The following DDX25 variants were observed in gnomAD, a reference collection of about 807,000 sequenced individuals.
DDX25 encodes the protein DEAD-box helicase 25.
In DDX25, 70 loss-of-function variants were observed where a neutral mutation model predicts 64.6. That is an observed-to-expected ratio of 1.08 (90% confidence interval 0.89 to 1.32). DDX25 has a LOEUF of 1.32. DDX25 is among the 40% of genes most tolerant of loss of function. The pLI is 0.00. For synonymous variants in DDX25, 211 were observed against 213.3 expected, an observed-to-expected ratio of 0.99 and a Z score of 0.09; for missense variants, 587 against 604.4, an observed-to-expected ratio of 0.97 and a Z score of 0.30.
intron 11 of DDX25, chr11:125,922,440 G>A (rs1945127289): frequency 5.3e-6 from 1 of 187,940 alleles, no homozygotes; most frequent in South Asian, 1.9e-4. Flanking sequence ...CAGGGAAGTA[G>A]GTTAAGTGCC....
chr11:125,906,823 C>CAAA (rs548482997), intron 4 of DDX25, among the ~76,000 whole-genome samples: 24,942 of 111,336 alleles, frequency 0.22, 3,144 homozygotes, highest in Non-Finnish European at 0.26. Context: ...GACTCCGTCT[C>CAAA]AAAAAAAAAA....
upstream of DDX25, among the ~76,000 whole-genome samples, chr11:125,903,722 A>C (rs1287735096): frequency 6.7e-6 from 1 of 149,600 alleles, no homozygotes; most frequent in African/African-American, 2.5e-5. Context: ...AATGCTGATC[A>C]AAATCTCAAA....
At chr11:125,905,952 T>C in intron 3 of DDX25, 122 bp from the exon 4 acceptor site, 1 of 1,284,468 alleles carries the variant, frequency 7.8e-7, no homozygotes, top group Admixed American at 3.0e-5. Context: ...TGGAACCCTC[T>C]TTTAGAGGAA....
chr11:125,920,915 CACAT>C (rs1289066876), intron 10 of DDX25: 10 of 218,824 alleles, frequency 4.6e-5, no homozygotes, highest in Non-Finnish European at 7.4e-5. Context: ...ACCACACACA[CACAT>C]ACACACACAC....
At chr11:125,911,933 AG>A (rs1944973969) in intron 8 of DDX25, among the ~76,000 whole-genome samples, 2 of 152,204 alleles carry the variant, frequency 1.3e-5, no homozygotes, top group African/African-American at 4.8e-5. Flanking sequence ...TCATTTTCCT[AG>A]GCCTCTCTAT....
At chr11:125,911,622 A>C (rs1036732274) in intron 8 of DDX25, 134 bp downstream of exon 8, 8 of 973,760 alleles carry the variant, frequency 8.2e-6, no homozygotes, top group Non-Finnish European at 1.2e-5. Flanking sequence ...GAGTTTTTAC[A>C]TTATTTTCAC....
At chr11:125,904,371 A>G, upstream of DDX25, 1 of 706,984 alleles carries the variant, frequency 1.4e-6, no homozygotes, top group Non-Finnish European at 2.0e-6. Flanking sequence ...CCAGCCTTCC[A>G]GCGCCTGCGC....
intron 8 of DDX25, among the ~76,000 whole-genome samples, chr11:125,913,971 TTCTG>T (rs1945001268): frequency 2.0e-5 from 3 of 152,226 alleles, no homozygotes; most frequent in South Asian, 2.1e-4. Context: ...AGCATTCCGT[TTCTG>T]TCTGTCTCAA....
intron 4 of DDX25, 114 bp from the exon 5 acceptor site, chr11:125,908,082 G>C: frequency 1.2e-6 from 1 of 818,734 alleles, no homozygotes; most frequent in Admixed American, 2.8e-5. Context: ...CCAAATACTA[G>C]TTTTAAAGCT....
intron 8 of DDX25, among the ~76,000 whole-genome samples, chr11:125,916,307 C>A (rs916568591): frequency 1.3e-5 from 2 of 152,130 alleles, no homozygotes; most frequent in Non-Finnish European, 2.9e-5. Flanking sequence ...TCACAAGAAG[C>A]CATGCTCTTG....
intron 8 of DDX25, among the ~76,000 whole-genome samples, chr11:125,913,860 CAA>C (rs10523721): frequency 0.32 from 48,148 of 150,494 alleles, 8,165 homozygotes; most frequent in African/African-American, 0.44. Flanking sequence ...CATAACAATC[CAA>C]AAAAAAAAAT....
At chr11:125,919,266 T>C (rs976142116) in intron 10 of DDX25, among the ~76,000 whole-genome samples, 2 of 152,234 alleles carry the variant, frequency 1.3e-5, no homozygotes, top group East Asian at 3.8e-4. Context: ...TGTGCAGGTC[T>C]GTATTTAGAG....
rs1945139897 is a variant in DDX25 at position 125,923,505 on chromosome 11, C to G, written c.*624C>G. ...TGCTTCTCTTCAAATTAAAGATTTA[C>G]TCCCTCATCAGTTATTTCATAGTCT... On this transcript the variant is annotated 3_prime_UTR_variant, in exon 12 of 12. Coordinates refer to ENST00000263576, the MANE Select transcript of DDX25 (RefSeq NM_013264.5). 6.6e-6 allele frequency: 1 copy of G among 152,106 alleles called. No homozygotes were observed. Among genetic ancestry groups the G allele is most frequent in the South Asian group, 2.1e-4 (1 of 4,824 alleles). The allele number at this position is 152,106 out of a possible 1,614,324, so 9.4% of individuals were successfully genotyped here.
intron 9 of DDX25, among the ~76,000 whole-genome samples, chr11:125,917,647 C>T (rs1945056023): frequency 6.6e-6 from 1 of 152,158 alleles, no homozygotes; most frequent in South Asian, 2.1e-4. Context: ...TTTATTTTCT[C>T]ACTACCCCGT....
chr11:125,907,523 G>A (rs1292658519), intron 4 of DDX25, among the ~76,000 whole-genome samples: 1 of 152,108 alleles, frequency 6.6e-6, no homozygotes, highest in East Asian at 1.9e-4. Flanking sequence ...CAGGAGAATG[G>A]CGTGAACCCG....
rs1945143318 is a variant in DDX25 at position 125,923,853 on chromosome 11, CT to C, written c.*973del. 2 of 152,164 alleles carry C rather than the reference CT, an allele frequency of 1.3e-5. No individual in the cohort carries two copies. The allele number at this position is 152,164 out of a possible 1,614,324, so 9.4% of individuals were successfully genotyped here. ...TCACGGCACCAAACTGCACCAGTGG[CT>C]GCAGTGAGTGGCCCTGTCATCGGTG... On this transcript the variant is annotated 3_prime_UTR_variant, in exon 12 of 12. Transcript: ENST00000263576.
intron 9 of DDX25, 129 bp downstream of exon 9, chr11:125,917,380 G>A (rs1945053427): frequency 1.2e-6 from 1 of 834,162 alleles, no homozygotes; most frequent in East Asian, 2.7e-5. Flanking sequence ...TTAATCTTCA[G>A]AACAGCTCTA....
Position 125,921,302 on chromosome 11 carries a change from T to A in DDX25, c.1313T>A (p.Phe438Tyr), listed in dbSNP as rs778929390. 2 of 1,613,622 alleles carry A rather than the reference T, an allele frequency of 1.2e-6. No homozygotes were observed. The highest frequency in any genetic ancestry group is 2.2e-5 in the South Asian group (2 of 91,020). ...YLHRIGRTGR[F>Y]GKKGLAFNMI... Reference sequence around the variant, plus strand: ...CACCGCATAGGGCGGACGGGGCGCTTTGGGAAAAAAGGCCTTGCCTTCAAC... The same window carrying A: ...CACCGCATAGGGCGGACGGGGCGCTATGGGAAAAAAGGCCTTGCCTTCAAC... The change falls in exon 11 of 12, where the codon TTT (phenylalanine) becomes TAT (tyrosine). Residue 438 changes from phenylalanine to tyrosine, a missense_variant. Transcript: ENST00000263576. This position sits in a 1 kb window ranked among gnomAD's most constrained non-coding sequence, Gnocchi z 4.1.
At chr11:125,912,755 CATTTT>C (rs1363467847) in intron 8 of DDX25, among the ~76,000 whole-genome samples, 2 of 145,574 alleles carry the variant, frequency 1.4e-5, no homozygotes, top group Non-Finnish European at 3.0e-5. Flanking sequence ...TTTTTTTTTT[CATTTT>C]GTTAGTATCA....
Sources: gnomAD v4.1 joint callset for allele counts (sites outside exome capture counted in the v4.1 genomes callset) on GRCh38, gnomAD v4.1.1 for gene constraint, Gnocchi (gnomAD v3.1) non-coding constraint, MANE v1.5 for transcripts, NCBI Gene and HGNC (gene_info 2026-07-23, HGNC 2026-07-21) for gene names.